Variants in ARHGAP15 observed in about 807,000 individuals in gnomAD.
ARHGAP15 encodes the protein Rho GTPase activating protein 15, also known as rho GTPase-activating protein 15.
In ARHGAP15, 51 loss-of-function variants were observed where a neutral mutation model predicts 63.7. The ratio of observed to expected loss-of-function variants is 0.80; its 90% CI spans 0.64 to 1.01. The LOEUF (loss-of-function observed/expected upper bound fraction) is 1.01, where lower values mean the gene tolerates loss of function less well. ARHGAP15 is among the 50% of genes least tolerant of loss of function. The pLI, the probability that ARHGAP15 is intolerant of heterozygous loss-of-function variation, is 0.00. For missense variants in ARHGAP15, 560 were observed against 564.6 expected (o/e 0.99, Z 0.08); for synonymous variants, 191 against 193.8 (o/e 0.99, Z 0.12).
At chr2:143,402,255 G>T (rs1418914468) in intron 6 of ARHGAP15, among the ~76,000 whole-genome samples, 1 of 151,690 alleles carries the variant, frequency 6.6e-6, no homozygotes, top group Non-Finnish European at 1.5e-5. Context: ...TTATTACAAT[G>T]ATATAAAAAA....
At chr2:143,543,864 C>A (rs772990704) in intron 10 of ARHGAP15, among the ~76,000 whole-genome samples, 1 of 152,014 alleles carries the variant, frequency 6.6e-6, no homozygotes, top group Admixed American at 6.6e-5. Flanking sequence ...GTGCATACTT[C>A]TTTGTTAGAT....
intron 6 of ARHGAP15, among the ~76,000 whole-genome samples, chr2:143,348,657 G>C (rs2105307740): frequency 6.6e-6 from 1 of 152,232 alleles, no homozygotes; most frequent in Admixed American, 6.5e-5. Context: ...GTAGGTGTGA[G>C]CAGCAAACTA....
chr2:143,670,502 C>T (rs1439608572), intron 12 of ARHGAP15, among the ~76,000 whole-genome samples: 2 of 152,142 alleles, frequency 1.3e-5, no homozygotes, highest in African/African-American at 2.4e-5. Flanking sequence ...TTCTTCACAG[C>T]AGCATACCCC....
At chr2:143,669,430 A>G (rs1682404091) in intron 12 of ARHGAP15, among the ~76,000 whole-genome samples, 1 of 152,240 alleles carries the variant, frequency 6.6e-6, no homozygotes, top group Non-Finnish European at 1.5e-5. Context: ...AACAGTGCCT[A>G]GAGTACAGCA....
chr2:143,490,825 G>A (rs1380998477), intron 9 of ARHGAP15, among the ~76,000 whole-genome samples: 1 of 151,952 alleles, frequency 6.6e-6, no homozygotes, highest in African/African-American at 2.4e-5. Context: ...ATGGGGTTTT[G>A]CCATGTTGGC....
At chr2:143,284,321 A>C (rs960621274) in intron 6 of ARHGAP15, among the ~76,000 whole-genome samples, 2 of 152,218 alleles carry the variant, frequency 1.3e-5, no homozygotes, top group Admixed American at 1.3e-4. Flanking sequence ...TACTTTTGCC[A>C]GATGCAATTT....
At chr2:143,729,511 G>T (rs79354384) in intron 13 of ARHGAP15, among the ~76,000 whole-genome samples, 2 of 152,118 alleles carry the variant, frequency 1.3e-5, no homozygotes, top group Non-Finnish European at 2.9e-5. Context: ...TGCATATTAC[G>T]CCTACTTCTA....
At chr2:143,702,466 A>G (rs1321736947) in intron 12 of ARHGAP15, among the ~76,000 whole-genome samples, 1 of 152,164 alleles carries the variant, frequency 6.6e-6, no homozygotes, top group African/African-American at 2.4e-5. Context: ...GTGTAAGGGA[A>G]AAAGGATAAC....
chr2:143,591,184 A>G (rs995220441), intron 11 of ARHGAP15, among the ~76,000 whole-genome samples: 2 of 152,158 alleles, frequency 1.3e-5, no homozygotes, highest in Non-Finnish European at 2.9e-5. Context: ...CACTATTCAC[A>G]GTTACTTTAT....
At chr2:143,607,179 G>T (rs1398694381) in intron 11 of ARHGAP15, among the ~76,000 whole-genome samples, 1 of 152,176 alleles carries the variant, frequency 6.6e-6, no homozygotes, top group Admixed American at 6.5e-5. Context: ...CTTGGGAGAA[G>T]AATCAGCACC....
At chr2:143,417,306 C>T (rs1284100737) in intron 6 of ARHGAP15, among the ~76,000 whole-genome samples, 1 of 152,142 alleles carries the variant, frequency 6.6e-6, no homozygotes, top group Non-Finnish European at 1.5e-5. Flanking sequence ...AGATATACCA[C>T]ACATGCTTAT....
chr2:143,300,953 A>T (rs1051046316), intron 6 of ARHGAP15, among the ~76,000 whole-genome samples: 3 of 152,084 alleles, frequency 2.0e-5, no homozygotes, highest in Admixed American at 2.0e-4. Flanking sequence ...ATTAATGAAT[A>T]CCTTAATGTG....
intron 13 of ARHGAP15, among the ~76,000 whole-genome samples, chr2:143,763,449 AT>A (rs1686833500): frequency 4.6e-5 from 7 of 152,092 alleles, no homozygotes; most frequent in African/African-American, 1.7e-4. Context: ...ATGAGAATGT[AT>A]TAGTCAACAT....
chr2:143,381,724 A>G (rs1037991473), intron 6 of ARHGAP15, among the ~76,000 whole-genome samples: 5 of 151,724 alleles, frequency 3.3e-5, no homozygotes, highest in African/African-American at 9.7e-5. Flanking sequence ...TTCCCTTGCG[A>G]TTTTTCTTGA....
Position 143,413,966 on chromosome 2 carries a change from T to TGTGTGTGC in ARHGAP15, c.475-21634_475-21633insTGTGTGCG. Among the ~76,000 whole-genome samples, 155 of 117,894 alleles carry TGTGTGTGC rather than the reference T, an allele frequency of 1.3e-3. 2 individuals are homozygous for TGTGTGTGC. The highest frequency in any genetic ancestry group is 1.0e-2 in the South Asian group (31 of 3,110). 77.3% of individuals were successfully genotyped at this position (117,894 alleles called of 152,430 possible). On this transcript the variant is annotated intron_variant, in intron 6 of 13. Transcript: ENST00000295095. ...GTGTGTGTGTGTGTGTGTGTGTGTG[T>TGTGTGTGC]GCGCGCTCTCTGGCAGAAAGTTAAT...
intron 11 of ARHGAP15, among the ~76,000 whole-genome samples, chr2:143,593,485 A>T (rs1019989023): frequency 2.0e-5 from 3 of 152,212 alleles, no homozygotes; most frequent in African/African-American, 4.8e-5. Context: ...GTTAGAAGAA[A>T]GGCTTTTACA....
At chr2:143,427,505 A>G (rs1001962817) in intron 6 of ARHGAP15, among the ~76,000 whole-genome samples, 5 of 151,860 alleles carry the variant, frequency 3.3e-5, no homozygotes, top group Non-Finnish European at 7.4e-5. Flanking sequence ...TCCAGTTCCC[A>G]TACTGTCAAC....
chr2:143,556,581 T>G lies in ARHGAP15; in HGVS notation c.1003+96T>G, dbSNP rs1009290929. The stretch of plus-strand genomic sequence containing the variant: ...TATGTACTGTGAATAATAATAAAAC[T>G]TTAACAGGAGAATGTGAAAGTGGAA... On this transcript the variant is annotated intron_variant, in intron 11 of 13. Transcript: ENST00000295095. 5 of 836,700 alleles carry G rather than the reference T, an allele frequency of 6.0e-6. No homozygotes were observed. The South Asian group carries it at 1.2e-4, about 20-fold the overall frequency. The allele number at this position is 836,700 out of a possible 1,614,324, so 51.8% of individuals were successfully genotyped here.
intron 13 of ARHGAP15, among the ~76,000 whole-genome samples, chr2:143,706,002 A>G (rs1285343126): frequency 6.6e-6 from 1 of 152,154 alleles, no homozygotes; most frequent in Non-Finnish European, 1.5e-5. Context: ...AAGATTTAAG[A>G]TCAGATTATT....
Sources: gnomAD v4.1 joint callset for allele counts (sites outside exome capture counted in the v4.1 genomes callset) on GRCh38, gnomAD v4.1.1 for gene constraint, MANE v1.5 for transcripts, NCBI Gene and HGNC (gene_info 2026-07-23, HGNC 2026-07-21) for gene names.